The following SLC13A3 variants were observed in gnomAD, a reference collection of about 807,000 sequenced individuals.
The protein encoded by SLC13A3 is Na(+)/dicarboxylate cotransporter 3.
In SLC13A3, 40 loss-of-function variants were observed where a neutral mutation model predicts 59.0. That is an observed-to-expected ratio of 0.68 (90% confidence interval 0.53 to 0.88). The LOEUF is 0.88. SLC13A3 is among the 40% of genes least tolerant of loss of function. SLC13A3 has a pLI of 0.00. For missense variants in SLC13A3, 699 were observed against 783.2 expected (o/e 0.89, Z 1.28); for synonymous variants, 317 against 330.3 (o/e 0.96, Z 0.44).
In SLC13A3 at chr20:46,647,040, T is replaced by C. The variant is rs139291606; in HGVS notation, c.111+4271A>G. Among the ~76,000 whole-genome samples the C allele has an allele frequency of 3.9e-5, 6 of 152,144 alleles. No individual in the cohort carries two copies. In the East Asian group the frequency reaches 1.2e-3, roughly 29 times the overall value. On this transcript the variant is annotated intron_variant, in intron 1 of 12. Coordinates refer to ENST00000279027, the MANE Select transcript of SLC13A3 (RefSeq NM_022829.6). ...CCCCCCAAATATCTCTATCCCAGAG[T>C]AAGTCTGCTGTTGGCCACCGTGACA...
upstream of SLC13A3, among the ~76,000 whole-genome samples, chr20:46,674,604 C>CGCGCGCGCGCGT (rs370861850): frequency 4.1e-4 from 52 of 127,860 alleles, no homozygotes; most frequent in African/African-American, 1.5e-3. Flanking sequence ...CGCGCGCGCG[C>CGCGCGCGCGCGT]GTGTGTGTGT....
chr20:46,660,103 G>A (rs1394208636), intron 1 of SLC13A3, among the ~76,000 whole-genome samples: 1 of 152,054 alleles, frequency 6.6e-6, no homozygotes, highest in African/African-American at 2.4e-5. Flanking sequence ...ACAATCAATA[G>A]TCTTTAAAAG....
At chr20:46,638,305 A>G (rs1056064885) in intron 1 of SLC13A3, among the ~76,000 whole-genome samples, 1 of 152,218 alleles carries the variant, frequency 6.6e-6, no homozygotes, top group African/African-American at 2.4e-5. Context: ...TTGGTTAATA[A>G]AAAGAGCTGG....
Sources: allele counts gnomAD v4.1 joint callset (sites outside exome capture counted in the v4.1 genomes callset), GRCh38; gene constraint gnomAD v4.1.1; transcripts MANE v1.5; gene names NCBI Gene and HGNC (gene_info 2026-07-23, HGNC 2026-07-21).